The following CCDC13 variants were observed in gnomAD, a reference collection of about 807,000 sequenced individuals.
CCDC13 encodes the protein coiled-coil domain containing 13.
A neutral mutation model predicts 87.3 loss-of-function variants in CCDC13; 70 were observed. The ratio of observed to expected loss-of-function variants is 0.80; its 90% confidence interval spans 0.66 to 0.98. CCDC13 has a LOEUF of 0.98. Ranked by LOEUF, CCDC13 falls within the 50% of genes least tolerant of loss-of-function variation. The pLI, the probability that CCDC13 is intolerant of heterozygous loss-of-function variation, is 0.00. For missense variants in CCDC13, 842 were observed against 892.0 expected (o/e 0.94, Z 0.71); for synonymous variants, 317 against 360.3 (o/e 0.88, Z 1.36).
chr3:42,760,905 T>G (rs1163674292), intron 1 of CCDC13, among the ~76,000 whole-genome samples: 1 of 152,228 alleles, frequency 6.6e-6, no homozygotes, highest in African/African-American at 2.4e-5. Context: ...TGTGTATATC[T>G]TCTTTTGTGA....
At chr3:42,724,471 G>A (rs920755575) in intron 13 of CCDC13, among the ~76,000 whole-genome samples, 6 of 152,194 alleles carry the variant, frequency 3.9e-5, no homozygotes, top group African/African-American at 9.7e-5. Context: ...ACAGATGTCC[G>A]TAAGCTTCAA....
At chr3:42,720,728 T>C (rs894066411) in intron 13 of CCDC13, among the ~76,000 whole-genome samples, 5 of 152,188 alleles carry the variant, frequency 3.3e-5, no homozygotes, top group African/African-American at 1.2e-4. Flanking sequence ...TGTGAAAAAT[T>C]AATTGTAAAA....
chr3:42,763,084 G>C (rs185657670), intron 1 of CCDC13, among the ~76,000 whole-genome samples: 3 of 152,206 alleles, frequency 2.0e-5, no homozygotes, highest in Non-Finnish European at 4.4e-5. Context: ...AGTCGAAAAA[G>C]ATTTATGAAC....
chr3:42,769,043 CAGG>C (rs1443909287), intron 1 of CCDC13, among the ~76,000 whole-genome samples: 5 of 151,988 alleles, frequency 3.3e-5, no homozygotes, highest in Non-Finnish European at 7.4e-5. Context: ...GAGGCTGAGG[CAGG>C]AGAATTGCTT....
chr3:42,742,844 T>A (rs1053089930), intron 8 of CCDC13, 52 bp downstream of exon 8: 26 of 1,603,962 alleles, frequency 1.6e-5, no homozygotes, highest in Admixed American at 3.4e-5. Context: ...GCAGGCACCA[T>A]CATGATCTCT....
In CCDC13 at chr3:42,759,305, T is replaced by C. The variant is rs1296051639; in HGVS notation, c.-6-954A>G. On this transcript the variant is annotated intron_variant, in intron 1 of 15. Coordinates refer to ENST00000310232, the MANE Select transcript of CCDC13 (RefSeq NM_144719.4). The stretch of plus-strand genomic sequence containing the variant: ...TTGTGAGTAACAGTGAGACCCTGTC[T>C]CCAAAAAAAAAAAAAACACAAATTT... 3.7e-3 allele frequency among the ~76,000 whole-genome samples: 472 copies of C among 126,634 alleles called. 6 individuals are homozygous for C. The highest frequency in any genetic ancestry group is 0.014 in the African/African-American group (459 of 33,544). 83.1% of individuals were successfully genotyped at this position (126,634 alleles called of 152,430 possible).
intron 5 of CCDC13, among the ~76,000 whole-genome samples, chr3:42,748,680 TGG>T (rs1699487579): frequency 1.3e-5 from 2 of 152,226 alleles, no homozygotes; most frequent in Non-Finnish European, 2.9e-5. Flanking sequence ...CCAGAAACTC[TGG>T]CCTCATCCAG....
chr3:42,744,175 C>A (rs1699320452), intron 7 of CCDC13, among the ~76,000 whole-genome samples: 1 of 152,112 alleles, frequency 6.6e-6, no homozygotes, highest in African/African-American at 2.4e-5. Flanking sequence ...TGCAAAATCC[C>A]AAGATGGTCT....
chr3:42,734,920 T>A (rs1262745156), intron 10 of CCDC13, among the ~76,000 whole-genome samples: 1 of 152,200 alleles, frequency 6.6e-6, no homozygotes, highest in African/African-American at 2.4e-5. Flanking sequence ...TAGACAAGCA[T>A]TTATTGAGCA....
chr3:42,717,203 A>G (rs1698449956), intron 13 of CCDC13, among the ~76,000 whole-genome samples: 1 of 152,192 alleles, frequency 6.6e-6, no homozygotes, highest in Non-Finnish European at 1.5e-5. Flanking sequence ...AAGCGGGTGG[A>G]TCACCAGAGG....
chr3:42,713,257 T>G lies in CCDC13; in HGVS notation c.1778A>C (p.His593Pro). The change falls in exon 14 of 16, where the codon CAC (histidine) becomes CCC (proline). Residue 593 changes from histidine (H) to proline (P), a missense_variant. Transcript: ENST00000310232. Reference protein sequence around the residue: ...ESERKLQEERHRTVVLEQHLE... With the variant: ...ESERKLQEERPRTVVLEQHLE... ...ATGTTGCTCCAGCACCACGGTGCGG[T>G]GTCGCTCCTCCTGCAGCTTCCTCTC... 1 of 1,614,170 alleles carries G rather than the reference T, an allele frequency of 6.2e-7. No homozygotes were observed. The highest frequency in any genetic ancestry group is 1.1e-5 in the South Asian group (1 of 91,078).
At chr3:42,731,980 C>T (rs1440050618) in intron 12 of CCDC13, among the ~76,000 whole-genome samples, 1 of 152,218 alleles carries the variant, frequency 6.6e-6, no homozygotes, top group East Asian at 1.9e-4. Flanking sequence ...CCACACAGGC[C>T]TGGAAGGGGC....
chr3:42,771,758 A>C (rs192857268), intron 1 of CCDC13, among the ~76,000 whole-genome samples: 1 of 146,608 alleles, frequency 6.8e-6, no homozygotes, highest in African/African-American at 2.5e-5. Flanking sequence ...CTGTCTCAAT[A>C]CAGCAGCAGC....
At chr3:42,719,960 G>A (rs1698523220) in intron 13 of CCDC13, among the ~76,000 whole-genome samples, 1 of 152,152 alleles carries the variant, frequency 6.6e-6, no homozygotes, top group Non-Finnish European at 1.5e-5. Context: ...GGGAAATAGA[G>A]TTTTAAAGAT....
chr3:42,771,283 A>C (rs1035300548), intron 1 of CCDC13, among the ~76,000 whole-genome samples: 2 of 152,248 alleles, frequency 1.3e-5, no homozygotes, highest in Non-Finnish European at 2.9e-5. Flanking sequence ...AAAAGATACC[A>C]GTGATTGTAA....
chr3:42,709,657 T>A (rs756564493), intron 15 of CCDC13, 27 bp downstream of exon 15: 1 of 1,582,162 alleles, frequency 6.3e-7, no homozygotes, highest in Non-Finnish European at 8.7e-7. Context: ...AACCCTACCC[T>A]TTCAGGAAGG....
chr3:42,745,045 T>C (rs949626652), intron 7 of CCDC13: 18 of 152,260 alleles, frequency 1.2e-4, no homozygotes, highest in African/African-American at 4.3e-4. Context: ...CCCAAGGCCA[T>C]GCACTATCAT....
intron 1 of CCDC13, among the ~76,000 whole-genome samples, chr3:42,772,267 C>CAAAAAAAAAAAAAAAAAAAAAGTA (rs1700136548): frequency 8.8e-6 from 1 of 113,872 alleles, no homozygotes; most frequent in Non-Finnish European, 1.7e-5. Context: ...GAGACTCCGT[C>CAAAAAAAAAAAAAAAAAAAAAGTA]AAAAAAAAAA....
At chr3:42,726,758 CACATATAT>C (rs200543609) in intron 13 of CCDC13, among the ~76,000 whole-genome samples, 1,764 of 151,778 alleles carry the variant, frequency 0.012, 30 homozygotes, top group Admixed American at 0.019. Context: ...TGTAAAGTCA[CACATATAT>C]ACATATATAC....
Sources: allele counts gnomAD v4.1 joint callset (sites outside exome capture counted in the v4.1 genomes callset), GRCh38; gene constraint gnomAD v4.1.1; transcripts MANE v1.5; gene names NCBI Gene and HGNC (gene_info 2026-07-23, HGNC 2026-07-21).